CYBC1: variants seen among roughly 807,000 people sequenced by gnomAD.
CYBC1 encodes the protein cytochrome b-245 chaperone 1.
CYBC1 carries 22 observed loss-of-function variants against 21.7 expected under a neutral mutation model. The ratio of observed to expected loss-of-function variants is 1.02; its 90% CI spans 0.73 to 1.45. The LOEUF is 1.45. Among genes scored for constraint, CYBC1 ranks in the 40% most tolerant of loss-of-function variants. The pLI, the probability that CYBC1 is intolerant of heterozygous loss-of-function variation, is 0.00. For synonymous variants in CYBC1, 112 were observed against 98.7 expected (o/e 1.13, Z -0.80); for missense variants, 237 against 242.1 (o/e 0.98, Z 0.14).
intron 5 of CYBC1, 66 bp downstream of exon 5, chr17:82,445,798 A>T (rs1438854561): frequency 7.1e-6 from 9 of 1,268,434 alleles, no homozygotes; most frequent in Non-Finnish European, 9.9e-6. Flanking sequence ...CCCGTGAGTC[A>T]CCCAGACGCC....
Position 82,446,564 on chromosome 17 carries a change from G to T in CYBC1, c.201+59C>A, listed in dbSNP as rs2054299145. 1.2e-5 allele frequency: 18 copies of T among 1,554,668 alleles called. No individual in the cohort carries two copies. The South Asian group carries it at 1.9e-4, about 16-fold the overall frequency. ...CCTTCCTCCTCCTTTCATTCCCATT[G>T]CAAAAAACCCAGGAGCTGAACAGCC... is the stretch of plus-strand genomic sequence containing the variant. On this transcript the variant is annotated intron_variant, in intron 4 of 6. Coordinates refer to ENST00000306645, the MANE Select transcript of CYBC1 (RefSeq NM_001033046.4).
intron 2 of CYBC1, 47 bp downstream of exon 2, chr17:82,449,119 AAGTC>A: frequency 7.4e-7 from 1 of 1,354,240 alleles, no homozygotes; most frequent in Non-Finnish European, 1.0e-6. Flanking sequence ...TCCTTTTTGA[AAGTC>A]AGGCTTCCGG....
chr17:82,442,860 G>A lies in CYBC1; in HGVS notation c.*1144C>T. On this transcript the variant is annotated 3_prime_UTR_variant, in exon 7 of 7. Coordinates refer to ENST00000306645, the MANE Select transcript of CYBC1 (RefSeq NM_001033046.4). The surrounding 1 kb of genome is among the most constrained non-coding windows in gnomAD (Gnocchi z 6.8). Reference sequence around the variant, plus strand: ...AGGAGTCCCCAGCTCACAGGCCAGGGCATCAGGCCAGGCGCGCTCGGTGCA... The same window carrying A: ...AGGAGTCCCCAGCTCACAGGCCAGGACATCAGGCCAGGCGCGCTCGGTGCA... 1 of 427,724 alleles carries A rather than the reference G, an allele frequency of 2.3e-6. No individual in the cohort carries two copies. The highest frequency in any genetic ancestry group is 4.1e-5 in the South Asian group (1 of 24,468). The allele number at this position is 427,724 out of a possible 1,614,324, so 26.5% of individuals were successfully genotyped here. A position where few individuals can be genotyped will look rare whatever the true frequency, so the allele number is the denominator to read the frequency against.
intron 5 of CYBC1, chr17:82,445,064 C>T (rs1374775938): frequency 6.3e-6 from 1 of 158,362 alleles, no homozygotes; most frequent in African/African-American, 2.4e-5. Context: ...CTGCTCTCCC[C>T]AAAGCCACAG....
chr17:82,447,349 T>C (rs1029737043), intron 3 of CYBC1: 9 of 550,596 alleles, frequency 1.6e-5, no homozygotes, highest in Non-Finnish European at 2.9e-5. Flanking sequence ...CGAGACTCCG[T>C]CTCAAAAAAA....
intron 2 of CYBC1, chr17:82,448,955 C>T (rs183142228): frequency 1.5e-4 from 82 of 551,922 alleles, no homozygotes; most frequent in Non-Finnish European, 2.1e-4. Context: ...ATATTAAATA[C>T]GCTGGGTGTT....
chr17:82,445,835 C>G (rs769498946), intron 5 of CYBC1, 29 bp downstream of exon 5: 1 of 1,564,248 alleles, frequency 6.4e-7, no homozygotes, highest in Non-Finnish European at 8.7e-7. Context: ...GTGGCCGTGT[C>G]CCATGTCCCC....
intron 5 of CYBC1, 48 bp from the exon 6 acceptor site, chr17:82,444,639 GCCCGGCAGTCGCACCAGC>G (rs1204406138): frequency 1.9e-6 from 3 of 1,552,642 alleles, no homozygotes; most frequent in South Asian, 2.4e-5. Context: ...CACACATGCT[GCCCGGCAGTCGCACCAGC>G]GCCACTGGCA....
chr17:82,444,899 T>A, intron 5 of CYBC1: 1 of 291,450 alleles, frequency 3.4e-6, no homozygotes, highest in Non-Finnish European at 6.4e-6. Context: ...ACTGCACTGT[T>A]CCTCCAGGTC....
intron 2 of CYBC1, chr17:82,447,922 T>A (rs1372428136): frequency 1.8e-6 from 1 of 547,304 alleles, no homozygotes; most frequent in African/African-American, 1.9e-5. Context: ...TAACGAGACC[T>A]CATTACTAAA....
intron 1 of CYBC1, chr17:82,449,884 G>C (rs1346161095): frequency 1.3e-5 from 2 of 152,354 alleles, no homozygotes; most frequent in African/African-American, 4.8e-5. Context: ...GGGCGCAGCA[G>C]CCCTGCCACT....
At position 82,444,661 on chromosome 17, in the gene CYBC1, ACTGG is replaced by A. The variant is rs1365925017; in HGVS notation, c.299-74_299-71del. ...GCTGCCCGGCAGTCGCACCAGCGCC[ACTGG>A]CATCATCGAAAGCGACAGCCACACT... On this transcript the variant is annotated intron_variant, in intron 5 of 6. Coordinates refer to ENST00000306645, the MANE Select transcript of CYBC1 (RefSeq NM_001033046.4). The A allele has an allele frequency of 2.6e-6, 4 of 1,514,428 alleles. No homozygotes were observed. The African/African-American group carries it at 5.5e-5, about 21-fold the overall frequency. The allele number at this position is 1,514,428 out of a possible 1,614,324, so 93.8% of individuals were successfully genotyped here. A position where few individuals can be genotyped will look rare whatever the true frequency, so the allele number is the denominator to read the frequency against.
At chr17:82,448,014 G>T (rs369728133) in intron 2 of CYBC1, 3 of 304,004 alleles carry the variant, frequency 9.9e-6, no homozygotes, top group African/African-American at 4.5e-5. Flanking sequence ...TAACTGACAC[G>T]GGTGTTACTC....
intron 3 of CYBC1, chr17:82,447,285 G>A (rs1392725727): frequency 2.5e-5 from 11 of 448,642 alleles, no homozygotes; most frequent in African/African-American, 4.1e-5. Flanking sequence ...CCCGGGAGGC[G>A]GAGCTTGCAG....
chr17:82,444,309 A>G, intron 6 of CYBC1, 138 bp downstream of exon 6: 1 of 1,440,286 alleles, frequency 6.9e-7, no homozygotes, highest in Middle Eastern at 2.4e-4. Flanking sequence ...GAGCCTGCAC[A>G]CGCTTCCCGT....
At chr17:82,447,023 G>A (rs546512855) in intron 3 of CYBC1, 9 of 425,964 alleles carry the variant, frequency 2.1e-5, no homozygotes, top group South Asian at 5.6e-5. Context: ...GCATCTCTCC[G>A]GGAATATTTG....
At chr17:82,444,633 CAT>C (rs1466423213) in intron 5 of CYBC1, 42 bp from the exon 6 acceptor site, 2 of 1,560,762 alleles carry the variant, frequency 1.3e-6, no homozygotes, top group African/African-American at 2.7e-5. Context: ...CCCGCCCACA[CAT>C]GCTGCCCGGC....
intron 4 of CYBC1, 87 bp from the exon 5 acceptor site, chr17:82,446,047 G>T: frequency 9.5e-7 from 1 of 1,057,030 alleles, no homozygotes; most frequent in East Asian, 2.5e-5. Context: ...CCTCACCAGG[G>T]TGGACACTCA....
chr17:82,447,209 C>T (rs371308216), intron 3 of CYBC1: 4,756 of 337,214 alleles, frequency 0.014, 46 homozygotes, highest in Non-Finnish European at 0.018. Context: ...AAAAATTAGC[C>T]GGGCGTAGTG....
Sources: allele counts gnomAD v4.1 joint callset, GRCh38; gene constraint gnomAD v4.1.1; non-coding constraint Gnocchi (gnomAD v3.1); transcripts MANE v1.5; gene names NCBI Gene and HGNC (gene_info 2026-07-23, HGNC 2026-07-21).